CBFA2T3: variants seen among roughly 807,000 people sequenced by gnomAD.
CBFA2T3 encodes CBFA2/RUNX1 partner transcriptional co-repressor 3.
In CBFA2T3, 31 loss-of-function variants were observed where a neutral mutation model predicts 58.6. The ratio of observed to expected loss-of-function variants is 0.53; its 90% CI spans 0.40 to 0.71. The LOEUF is 0.71. Ranked by LOEUF, CBFA2T3 falls within the 30% of genes least tolerant of loss-of-function variation. CBFA2T3 has a pLI of 0.00. For synonymous variants in CBFA2T3, 531 were observed against 421.9 expected, an observed-to-expected ratio of 1.26 and a Z score of -3.17; for missense variants, 1,076 against 963.1, an observed-to-expected ratio of 1.12 and a Z score of -1.55.
intron 9 of CBFA2T3, 150 bp from the exon 10 acceptor site, chr16:88,880,938 T>C: frequency 1.3e-6 from 1 of 751,618 alleles, no homozygotes; most frequent in Non-Finnish European, 2.2e-6. Flanking sequence ...AAGGTCTGGC[T>C]CAGGCACCCA....
chr16:88,909,721 G>A (rs115058798), intron 1 of CBFA2T3, among the ~76,000 whole-genome samples: 6,428 of 152,116 alleles, frequency 0.042, 187 homozygotes, highest in African/African-American at 0.08. Flanking sequence ...CCGCCCTCCC[G>A]CCTCCTCACA....
chr16:88,885,378 C>T lies in CBFA2T3; in HGVS notation c.894-109G>A, dbSNP rs1224506090. The T allele has an allele frequency of 1.7e-5, 12 of 702,836 alleles. No individual in the cohort carries two copies. The highest frequency in any genetic ancestry group is 3.2e-4 in the Middle Eastern group (1 of 3,172). 43.5% of individuals were successfully genotyped at this position (702,836 alleles called of 1,614,324 possible). A position where few individuals can be genotyped will look rare whatever the true frequency, so the allele number is the denominator to read the frequency against. ...GGCAAGGGCAGAGAGAAAGAGGACA[C>T]GTAAGGGCGAGACAGAAACACGGAG... On this transcript the variant is annotated intron_variant, in intron 6 of 11. Transcript: ENST00000268679. This position sits in a 1 kb window ranked among gnomAD's most constrained non-coding sequence, Gnocchi z 5.3.
At chr16:88,972,657 G>A (rs971155018) in intron 1 of CBFA2T3, among the ~76,000 whole-genome samples, 1 of 152,172 alleles carries the variant, frequency 6.6e-6, no homozygotes, top group East Asian at 1.9e-4. Context: ...CACATCTCCA[G>A]CCCATCTGCC....
At chr16:88,967,261 A>G (rs12927542) in intron 1 of CBFA2T3, among the ~76,000 whole-genome samples, 119 of 146,536 alleles carry the variant, frequency 8.1e-4, no homozygotes, top group East Asian at 2.9e-3. Context: ...ACGAGGCAGC[A>G]CCATGCTCAA....
At chr16:88,954,224 C>G (rs550683788) in intron 1 of CBFA2T3, among the ~76,000 whole-genome samples, 1 of 152,298 alleles carries the variant, frequency 6.6e-6, no homozygotes, top group South Asian at 2.1e-4. Flanking sequence ...CAACAGGCAC[C>G]CTGACCACCA....
rs569262340 is a variant in CBFA2T3, at chr16:88,915,304, G to A, written c.152-13648C>T. Among the ~76,000 whole-genome samples, 1,154 of 128,544 alleles carry A rather than the reference G, an allele frequency of 9.0e-3. 11 individuals are homozygous for A. The highest frequency in any genetic ancestry group is 0.036 in the Middle Eastern group (10 of 274). The allele number at this position is 128,544 out of a possible 152,430, so 84.3% of individuals were successfully genotyped here. ...GGAAACTGGTGGGTGGTGGCCTCCT[G>A]CTCTGGGTCTGCCTATCTGAGTGAA... On this transcript the variant is annotated intron_variant, in intron 1 of 11. Transcript: ENST00000268679.
intron 1 of CBFA2T3, among the ~76,000 whole-genome samples, chr16:88,903,686 ATTCCTGG>A (rs1970191493): frequency 3.0e-5 from 1 of 33,888 alleles, no homozygotes; most frequent in African/African-American, 1.3e-4. Context: ...CTGGGGGGGC[ATTCCTGG>A]GGGGGGCGTT....
chr16:88,910,222 C>T (rs918416274), intron 1 of CBFA2T3, among the ~76,000 whole-genome samples: 2 of 152,238 alleles, frequency 1.3e-5, no homozygotes, highest in Non-Finnish European at 2.9e-5. Flanking sequence ...GCAAGTCTGC[C>T]TCTCATCCTC....
At chr16:88,882,877 G>C (rs541084536) in intron 7 of CBFA2T3, 116 bp from the exon 8 acceptor site, 1 of 729,910 alleles carries the variant, frequency 1.4e-6, no homozygotes, top group African/African-American at 1.7e-5. Flanking sequence ...CGCTGGGGAC[G>C]ATGGACAGGG....
chr16:88,897,057 C>T (rs186717836), intron 3 of CBFA2T3, among the ~76,000 whole-genome samples: 104 of 152,394 alleles, frequency 6.8e-4, no homozygotes, highest in Admixed American at 6.0e-3. Context: ...CCCCCAGCCT[C>T]AGAGCCTTGG....
At chr16:88,882,496 C>T (rs1433598389) in intron 8 of CBFA2T3, among the ~76,000 whole-genome samples, 180 bp downstream of exon 8, 9 of 128,068 alleles carry the variant, frequency 7.0e-5, no homozygotes, top group African/African-American at 2.8e-4. Flanking sequence ...ACTGCACGGG[C>T]GTGGCTGTGG....
chr16:88,879,871 G>A (rs148780858), intron 10 of CBFA2T3: 3,369 of 183,680 alleles, frequency 0.018, 57 homozygotes, highest in Middle Eastern at 0.049. Flanking sequence ...CATTCCTAAC[G>A]CGAGCCGGGG....
At chr16:88,898,302 C>T (rs571895611) in intron 2 of CBFA2T3, 150 bp from the exon 3 acceptor site, 51 of 635,268 alleles carry the variant, frequency 8.0e-5, no homozygotes, top group African/African-American at 2.8e-4. Context: ...GCACCCGGGC[C>T]GCCTTTTCTT....
intron 1 of CBFA2T3, among the ~76,000 whole-genome samples, chr16:88,949,437 T>C (rs1438312330): frequency 6.6e-6 from 1 of 151,868 alleles, no homozygotes; most frequent in African/African-American, 2.4e-5. Context: ...TGTGTGCCTG[T>C]AGTCCCAGCT....
At chr16:88,895,586 G>T (rs867219562) in intron 3 of CBFA2T3, among the ~76,000 whole-genome samples, 1 of 152,124 alleles carries the variant, frequency 6.6e-6, no homozygotes, top group Non-Finnish European at 1.5e-5. Context: ...GGGGGAGGCC[G>T]GCCCTGTGCT....
chr16:88,901,829 C>T (rs867155774), intron 1 of CBFA2T3, among the ~76,000 whole-genome samples, 173 bp from the exon 2 acceptor site: 1 of 152,164 alleles, frequency 6.6e-6, no homozygotes, highest in South Asian at 2.1e-4. Context: ...ATCACGGGGG[C>T]AGAACCAGGC....
At chr16:88,941,580 A>AGGGAGAG (rs1431315941) in intron 1 of CBFA2T3, among the ~76,000 whole-genome samples, 8 of 146,692 alleles carry the variant, frequency 5.5e-5, no homozygotes, top group Non-Finnish European at 1.2e-4. Context: ...CGCCGGGAGC[A>AGGGAGAG]GGGAGAGGGG....
At chr16:88,909,856 C>T (rs570079000) in intron 1 of CBFA2T3, among the ~76,000 whole-genome samples, 2 of 152,250 alleles carry the variant, frequency 1.3e-5, no homozygotes, top group Non-Finnish European at 2.9e-5. Context: ...CCTCTGAACT[C>T]CAGCCTCTAC....
chr16:88,917,644 C>CACTGCCGGTG (rs1397405402), intron 1 of CBFA2T3, among the ~76,000 whole-genome samples: 3 of 152,176 alleles, frequency 2.0e-5, no homozygotes, highest in Non-Finnish European at 4.4e-5. Flanking sequence ...TAAAGTCAGC[C>CACTGCCGGTG]ACTGCCGGTG....
Sources: gnomAD v4.1 joint callset for allele counts (sites outside exome capture counted in the v4.1 genomes callset) on GRCh38, gnomAD v4.1.1 for gene constraint, Gnocchi (gnomAD v3.1) non-coding constraint, MANE v1.5 for transcripts, NCBI Gene and HGNC (gene_info 2026-07-23, HGNC 2026-07-21) for gene names.